Variants in SLC24A2 observed in about 807,000 individuals in gnomAD.
The protein encoded by SLC24A2 is solute carrier family 24 member 2.
In SLC24A2, 36 loss-of-function variants were observed where a neutral mutation model predicts 62.0. The observed-to-expected ratio is 0.58, with a 90% confidence interval of 0.44 to 0.77. SLC24A2 has a LOEUF of 0.77. Ranked by LOEUF, SLC24A2 falls within the 30% of genes least tolerant of loss-of-function variation. The pLI, the probability that SLC24A2 is intolerant of heterozygous loss-of-function variation, is 0.00. For missense variants in SLC24A2, 846 were observed against 817.9 expected (o/e 1.03, Z -0.42); for synonymous variants, 358 against 294.0 (o/e 1.22, Z -2.23).
chr9:19,813,511 G>A, the SLC24A2 span, among the ~76,000 whole-genome samples: 5 of 151,612 alleles, frequency 3.3e-5, no homozygotes, highest in Non-Finnish European at 5.9e-5. Context: ...TAGAGAAGGG[G>A]TTTTGCCTTG....
chr9:20,267,114 C>T, the SLC24A2 span, among the ~76,000 whole-genome samples: 1 of 148,052 alleles, frequency 6.8e-6, no homozygotes, highest in Admixed American at 6.7e-5. Context: ...TATCATAAAA[C>T]AGAATACTTT....
chr9:20,294,061 A>G, the SLC24A2 span, among the ~76,000 whole-genome samples: 1 of 151,916 alleles, frequency 6.6e-6, no homozygotes, highest in Non-Finnish European at 1.5e-5. Context: ...CCACTGCGCC[A>G]TCTTTTCTCC....
At chr9:19,710,802 G>C (rs1290360565) in intron 2 of SLC24A2, among the ~76,000 whole-genome samples, 1 of 152,146 alleles carries the variant, frequency 6.6e-6, no homozygotes, top group Non-Finnish European at 1.5e-5. Context: ...CTAGAGACAA[G>C]CCAGGAGGAC....
At chr9:19,907,278 G>A in the SLC24A2 span, among the ~76,000 whole-genome samples, 5 of 152,158 alleles carry the variant, frequency 3.3e-5, no homozygotes, top group East Asian at 1.9e-4. Context: ...ATTCAGCAAC[G>A]CTTCATGCTA....
chr9:19,772,411 T>C (rs571575683), intron 2 of SLC24A2, among the ~76,000 whole-genome samples: 2 of 152,356 alleles, frequency 1.3e-5, no homozygotes, highest in East Asian at 3.9e-4. Context: ...GGAGCTGCTG[T>C]ATCTATGGAG....
At chr9:19,597,366 T>C in intron 4 of SLC24A2, 87 bp from the exon 5 acceptor site, 1 of 929,732 alleles carries the variant, frequency 1.1e-6, no homozygotes, top group Non-Finnish European at 1.8e-6. Context: ...TTAATCAGAT[T>C]CAGAGTTATA....
At chr9:19,792,373 CTG>C (rs1823328432), upstream of SLC24A2, among the ~76,000 whole-genome samples, 1 of 151,914 alleles carries the variant, frequency 6.6e-6, no homozygotes, top group East Asian at 1.9e-4. Flanking sequence ...TTCTAGTAAA[CTG>C]TCATGAGCAG....
chr9:19,514,148 A>T lies in SLC24A2; in HGVS notation c.*2005T>A, dbSNP rs1310440541. 1.3e-5 allele frequency: 2 copies of T among 152,116 alleles called. No homozygotes were observed. The highest frequency in any genetic ancestry group is 2.9e-5 in the Non-Finnish European group (2 of 68,024). 9.4% of individuals were successfully genotyped at this position (152,116 alleles called of 1,614,324 possible). ...TTCTGGGTGAAGAGGAATGATGGGC[A>T]TTTCCTGTTATTGCCATGCTCTGTG... On this transcript the variant is annotated 3_prime_UTR_variant, in exon 11 of 11. Transcript: ENST00000341998.
intron 7 of SLC24A2, among the ~76,000 whole-genome samples, chr9:19,560,985 G>A (rs1426392832): frequency 6.6e-6 from 1 of 151,400 alleles, no homozygotes; most frequent in Non-Finnish European, 1.5e-5. Flanking sequence ...GAGTGCAGTG[G>A]CATGATCTTG....
At chr9:19,961,677 C>T in the SLC24A2 span, among the ~76,000 whole-genome samples, 1 of 152,182 alleles carries the variant, frequency 6.6e-6, no homozygotes, top group African/African-American at 2.4e-5. Flanking sequence ...TAACTCATTT[C>T]TAACTAATAG....
chr9:20,136,380 C>T, the SLC24A2 span, among the ~76,000 whole-genome samples: 1 of 151,996 alleles, frequency 6.6e-6, no homozygotes, highest in Non-Finnish European at 1.5e-5. Context: ...AAGGAACATG[C>T]CCAGAAGAAA....
chr9:19,526,737 G>C (rs1289544503), intron 9 of SLC24A2, among the ~76,000 whole-genome samples: 1 of 152,096 alleles, frequency 6.6e-6, no homozygotes, highest in African/African-American at 2.4e-5. Context: ...TTGTATCTTG[G>C]ATACAAGTGC....
chr9:20,229,405 C>T, the SLC24A2 span, among the ~76,000 whole-genome samples: 2 of 152,138 alleles, frequency 1.3e-5, no homozygotes, highest in African/African-American at 4.8e-5. Context: ...AAAGAACTTA[C>T]AACAGTGCCT....
At chr9:20,064,204 A>C in the SLC24A2 span, among the ~76,000 whole-genome samples, 1 of 152,194 alleles carries the variant, frequency 6.6e-6, no homozygotes, top group Non-Finnish European at 1.5e-5. Context: ...GGTAAACGAA[A>C]AAAAAGTGAG....
intron 2 of SLC24A2, among the ~76,000 whole-genome samples, chr9:19,762,973 G>C (rs1822388759): frequency 6.6e-6 from 1 of 152,004 alleles, no homozygotes; most frequent in South Asian, 2.1e-4. Flanking sequence ...TTTCCCATTT[G>C]TTTGAGTCCT....
chr9:20,283,477 A>G, the SLC24A2 span, among the ~76,000 whole-genome samples: 1 of 152,184 alleles, frequency 6.6e-6, no homozygotes, highest in African/African-American at 2.4e-5. Flanking sequence ...ACCTAGAAGC[A>G]GCAAACAAGT....
At chr9:19,734,414 T>C (rs2118731008) in intron 2 of SLC24A2, among the ~76,000 whole-genome samples, 1 of 152,338 alleles carries the variant, frequency 6.6e-6, no homozygotes, top group Admixed American at 6.5e-5. Context: ...TTTTTCCAAT[T>C]CTGTGAAGAA....
chr9:20,280,274 GTCCT>G, the SLC24A2 span, among the ~76,000 whole-genome samples: 4 of 152,220 alleles, frequency 2.6e-5, no homozygotes, highest in Non-Finnish European at 4.4e-5. Context: ...CACAGAGGTG[GTCCT>G]ATCTTCAGGC....
chr9:20,038,959 G>A, the SLC24A2 span, among the ~76,000 whole-genome samples: 4 of 152,138 alleles, frequency 2.6e-5, no homozygotes, highest in African/African-American at 9.7e-5. Context: ...TGTTTTTTAA[G>A]TAAGAAAATG....
Sources: allele counts gnomAD v4.1 joint callset (sites outside exome capture counted in the v4.1 genomes callset), GRCh38; gene constraint gnomAD v4.1.1; transcripts MANE v1.5; gene names NCBI Gene and HGNC (gene_info 2026-07-23, HGNC 2026-07-21).